RBPMS: variants seen among roughly 807,000 people sequenced by gnomAD.
The protein encoded by RBPMS is RNA-binding protein with multiple splicing.
RBPMS carries 7 observed loss-of-function variants against 26.8 expected under a neutral mutation model. The ratio of observed to expected loss-of-function variants is 0.26; its 90% confidence interval spans 0.15 to 0.49. The LOEUF is 0.49. RBPMS is among the 20% of genes least tolerant of loss of function. RBPMS has a pLI of 0.98. For missense variants in RBPMS, 186 were observed against 250.0 expected, an observed-to-expected ratio of 0.74 and a Z score of 1.73; for synonymous variants, 96 against 93.3, an observed-to-expected ratio of 1.03 and a Z score of -0.17.
In RBPMS at chr8:30,482,513, T is replaced by C. The variant is rs528973891; in HGVS notation, c.246+3136T>C. Among the ~76,000 whole-genome samples the C allele has an allele frequency of 1.2e-4, 18 of 152,384 alleles. No individual in the cohort carries two copies. The East Asian group carries it at 3.1e-3, about 26-fold the overall frequency. ...CTCAAAATGACTAATTTTTAAAATCTATTTTCTCATTTTTGGACTGGGCTT... is the reference window on the plus strand; with the variant it reads ...CTCAAAATGACTAATTTTTAAAATCCATTTTCTCATTTTTGGACTGGGCTT... On this transcript the variant is annotated intron_variant, in intron 4 of 8. Transcript: ENST00000397323.
chr8:30,500,222 T>C (rs1178027283), intron 4 of RBPMS, among the ~76,000 whole-genome samples: 1 of 152,164 alleles, frequency 6.6e-6, no homozygotes, highest in African/African-American at 2.4e-5. Flanking sequence ...TGTCTGCTAT[T>C]ATTAACTGGT....
intron 1 of RBPMS, among the ~76,000 whole-genome samples, chr8:30,449,042 A>G (rs1183054545): frequency 1.3e-5 from 2 of 152,208 alleles, no homozygotes; most frequent in African/African-American, 4.8e-5. Context: ...AGCTGGGAGT[A>G]CTGGAGAATG....
chr8:30,474,959 A>T, intron 2 of RBPMS, 103 bp downstream of exon 2: 1 of 777,076 alleles, frequency 1.3e-6, no homozygotes, highest in Non-Finnish European at 2.2e-6. Context: ...AAGAAAACAG[A>T]TGTTTTTAAA....
intron 7 of RBPMS, chr8:30,564,892 T>G (rs1476896163): frequency 6.6e-6 from 1 of 151,790 alleles, no homozygotes; most frequent in Non-Finnish European, 1.5e-5. Flanking sequence ...GGTTGTCCCC[T>G]ATGCTCCTGG....
At chr8:30,561,792 G>T (rs1827510177) in intron 7 of RBPMS, among the ~76,000 whole-genome samples, 1 of 152,136 alleles carries the variant, frequency 6.6e-6, no homozygotes, top group African/African-American at 2.4e-5. Context: ...TGTTGGCCTG[G>T]GACCTAAGGA....
intron 1 of RBPMS, among the ~76,000 whole-genome samples, chr8:30,432,157 C>T (rs1255993732): frequency 6.6e-6 from 1 of 152,094 alleles, no homozygotes; most frequent in Non-Finnish European, 1.5e-5. Flanking sequence ...TTTATTTTGA[C>T]ATTTCAAAGA....
chr8:30,518,324 T>C (rs1169245651), intron 5 of RBPMS, among the ~76,000 whole-genome samples: 2 of 152,208 alleles, frequency 1.3e-5, no homozygotes, highest in East Asian at 3.8e-4. Flanking sequence ...TTTCATCTGA[T>C]GTTTTTCCAT....
chr8:30,476,835 G>A (rs1262652267), intron 2 of RBPMS, among the ~76,000 whole-genome samples: 1 of 152,174 alleles, frequency 6.6e-6, no homozygotes, highest in Non-Finnish European at 1.5e-5. Flanking sequence ...GAGGAGCCGG[G>A]AGGGGTGAAG....
intron 6 of RBPMS, 86 bp from the exon 7 acceptor site, chr8:30,558,801 G>A (rs776743719): frequency 3.6e-6 from 4 of 1,103,580 alleles, no homozygotes; most frequent in Non-Finnish European, 5.5e-6. Flanking sequence ...GGAACAGTAG[G>A]GAAGTGGTAG....
intron 1 of RBPMS, among the ~76,000 whole-genome samples, chr8:30,391,485 A>G (rs1216086639): frequency 6.6e-6 from 1 of 152,224 alleles, no homozygotes; most frequent in Non-Finnish European, 1.5e-5. Context: ...TTAGGAAGGA[A>G]TGAGGAGAAT....
At chr8:30,421,631 T>G (rs1436540009) in intron 1 of RBPMS, among the ~76,000 whole-genome samples, 1 of 152,196 alleles carries the variant, frequency 6.6e-6, no homozygotes. Flanking sequence ...TTTTATGGGT[T>G]AGGTGGAAAG....
intron 8 of RBPMS, among the ~76,000 whole-genome samples, chr8:30,566,733 T>C (rs79051550): frequency 1.7e-3 from 262 of 152,348 alleles, no homozygotes; most frequent in African/African-American, 6.0e-3. Flanking sequence ...GAAATTATTA[T>C]TTTGTTGGAA....
chr8:30,411,985 CAA>C (rs11367222), intron 1 of RBPMS, among the ~76,000 whole-genome samples: 2,067 of 120,942 alleles, frequency 0.017, 44 homozygotes, highest in African/African-American at 0.055. Context: ...GACTTCGTCT[CAA>C]AAAAAAAAAA....
chr8:30,550,782 GC>G (rs1826291063), intron 6 of RBPMS, among the ~76,000 whole-genome samples: 1 of 152,202 alleles, frequency 6.6e-6, no homozygotes, highest in African/African-American at 2.4e-5. Flanking sequence ...GCTGGACACG[GC>G]CACCGGAACC....
At chr8:30,562,203 C>T in intron 7 of RBPMS, 1 of 213,046 alleles carries the variant, frequency 4.7e-6, no homozygotes, top group Non-Finnish European at 8.1e-6. Flanking sequence ...TGGTGGTGGG[C>T]GCCTGTAATC....
At chr8:30,410,492 G>A (rs1371243030) in intron 1 of RBPMS, among the ~76,000 whole-genome samples, 1 of 152,002 alleles carries the variant, frequency 6.6e-6, no homozygotes, top group African/African-American at 2.4e-5. Context: ...ACAGACAAGA[G>A]CCACCGTGCC....
chr8:30,426,243 T>C (rs1402964789), intron 1 of RBPMS, among the ~76,000 whole-genome samples: 1 of 152,230 alleles, frequency 6.6e-6, no homozygotes, highest in Admixed American at 6.5e-5. Flanking sequence ...TCCGTGGTGA[T>C]TATTTTTTTC....
At chr8:30,489,872 G>A (rs922612770) in intron 4 of RBPMS, among the ~76,000 whole-genome samples, 5 of 150,268 alleles carry the variant, frequency 3.3e-5, no homozygotes, top group East Asian at 2.0e-4. Flanking sequence ...GTGCAGTGGC[G>A]CGATGTTGGC....
At chr8:30,455,581 T>G in intron 1 of RBPMS, among the ~76,000 whole-genome samples, 1 of 151,942 alleles carries the variant, frequency 6.6e-6, no homozygotes, top group Non-Finnish European at 1.5e-5. Flanking sequence ...TCTCTGGAAG[T>G]AAAGAATAAT....
Sources: allele counts gnomAD v4.1 joint callset (sites outside exome capture counted in the v4.1 genomes callset), GRCh38; gene constraint gnomAD v4.1.1; transcripts MANE v1.5; gene names NCBI Gene and HGNC (gene_info 2026-07-23, HGNC 2026-07-21).